The following XRCC4 variants were observed in gnomAD, a reference collection of about 807,000 sequenced individuals.
The protein encoded by XRCC4 is X-ray repair cross complementing 4.
Under a neutral mutation model 39.1 loss-of-function variants are expected in XRCC4, and 28 were observed. The observed-to-expected ratio is 0.72, with a 90% CI of 0.53 to 0.98. XRCC4 has a LOEUF of 0.98. Ranked by LOEUF, XRCC4 falls within the 50% of genes least tolerant of loss-of-function variation. The pLI is 0.00. For missense variants in XRCC4, 350 were observed against 376.4 expected, an observed-to-expected ratio of 0.93 and a Z score of 0.58; for synonymous variants, 123 against 126.4, an observed-to-expected ratio of 0.97 and a Z score of 0.18.
intron 1 of XRCC4, among the ~76,000 whole-genome samples, chr5:83,087,274 G>A (rs1335555418): frequency 4.6e-5 from 7 of 151,898 alleles, no homozygotes; most frequent in African/African-American, 1.2e-4. Context: ...CTGAGATTGC[G>A]CCACTGCACT....
At chr5:83,138,466 A>C (rs1471729099) in intron 3 of XRCC4, among the ~76,000 whole-genome samples, 1 of 152,108 alleles carries the variant, frequency 6.6e-6, no homozygotes, top group Non-Finnish European at 1.5e-5. Context: ...TAGACCCAGA[A>C]CTTTCAATTT....
At chr5:83,162,944 CTTTCTTTCTT>C (rs1182137485) in intron 3 of XRCC4, among the ~76,000 whole-genome samples, 1 of 118,100 alleles carries the variant, frequency 8.5e-6, no homozygotes, top group Non-Finnish European at 1.9e-5. Context: ...CTTTTTCTTT[CTTTCTTTCTT>C]TTTTTTTTTT....
At chr5:83,331,403 T>G (rs879533159) in intron 7 of XRCC4, among the ~76,000 whole-genome samples, 1 of 152,076 alleles carries the variant, frequency 6.6e-6, no homozygotes, top group African/African-American at 2.4e-5. Context: ...TATATGGTAT[T>G]GGAGAGGAAT....
At chr5:83,245,337 A>G (rs1445064586) in intron 6 of XRCC4, among the ~76,000 whole-genome samples, 4 of 152,096 alleles carry the variant, frequency 2.6e-5, no homozygotes, top group African/African-American at 9.7e-5. Flanking sequence ...TGCTGTGTAG[A>G]CTTGGAGAAA....
intron 3 of XRCC4, among the ~76,000 whole-genome samples, chr5:83,156,354 A>C (rs1236156958): frequency 2.0e-5 from 3 of 149,980 alleles, no homozygotes; most frequent in African/African-American, 4.9e-5. Context: ...TTATTTAGAG[A>C]GAGAGCTGTA....
At chr5:83,172,430 T>G (rs1438654825) in intron 3 of XRCC4, among the ~76,000 whole-genome samples, 1 of 152,158 alleles carries the variant, frequency 6.6e-6, no homozygotes, top group Non-Finnish European at 1.5e-5. Flanking sequence ...TGCAGATGAT[T>G]AATAGAATTT....
chr5:83,328,453 C>G (rs1561477791), intron 7 of XRCC4, among the ~76,000 whole-genome samples: 1 of 152,010 alleles, frequency 6.6e-6, no homozygotes, highest in Non-Finnish European at 1.5e-5. Flanking sequence ...GCAAAAATTA[C>G]TGCATTTCTA....
intron 6 of XRCC4, among the ~76,000 whole-genome samples, chr5:83,229,039 G>C (rs551889145): frequency 2.0e-5 from 3 of 151,848 alleles, no homozygotes; most frequent in Admixed American, 2.0e-4. Flanking sequence ...TTGGAGACTT[G>C]TTGAATGCGG....
downstream of XRCC4, among the ~76,000 whole-genome samples, chr5:83,357,275 GA>G (rs1280536446): frequency 1.3e-5 from 2 of 152,136 alleles, no homozygotes. Context: ...TTATATTCTA[GA>G]AATGAAAAGA....
chr5:83,179,616 C>T (rs1189563239), intron 3 of XRCC4, among the ~76,000 whole-genome samples: 1 of 152,108 alleles, frequency 6.6e-6, no homozygotes, highest in Non-Finnish European at 1.5e-5. Flanking sequence ...CTTCTATGCC[C>T]CAGCTCTGTG....
chr5:83,109,857 T>C (rs1746363756), intron 2 of XRCC4, among the ~76,000 whole-genome samples: 1 of 151,832 alleles, frequency 6.6e-6, no homozygotes, highest in Non-Finnish European at 1.5e-5. Flanking sequence ...ACCTGGAAAA[T>C]ATATGCTGTT....
At chr5:83,135,737 A>G (rs1317482755) in intron 3 of XRCC4, among the ~76,000 whole-genome samples, 1 of 151,934 alleles carries the variant, frequency 6.6e-6, no homozygotes, top group African/African-American at 2.4e-5. Context: ...CATCTCAGGC[A>G]TGGTGATTTT....
chr5:83,210,600 A>T (rs188633056), intron 6 of XRCC4, among the ~76,000 whole-genome samples: 183 of 152,258 alleles, frequency 1.2e-3, no homozygotes, highest in African/African-American at 4.1e-3. Context: ...ATATTATAAA[A>T]ACCCTTGCAA....
chr5:83,258,637 A>G lies in XRCC4; in HGVS notation c.853A>G (p.Lys285Glu). Residue 285 changes from lysine (K) to glutamate (E), a missense_variant, in exon 7 of 8, where the codon AAA becomes GAA. By Grantham distance (56) the Lys-to-Glu change is moderately conservative. Transcript: ENST00000396027. ...GCAAAGAAATCTTGGGACAGAACCT[A>G]AAATGGCTCCTCAGGAGAATCAGCT... ...RMQRNLGTEP[K>E]MAPQENQLQE... 1.2e-6 allele frequency: 2 copies of G among 1,612,212 alleles called. No homozygotes were observed. The highest frequency in any genetic ancestry group is 1.7e-6 in the Non-Finnish European group (2 of 1,179,230).
chr5:83,218,319 TTA>T (rs1261101875), intron 6 of XRCC4, among the ~76,000 whole-genome samples: 1 of 149,048 alleles, frequency 6.7e-6, no homozygotes, highest in Non-Finnish European at 1.5e-5. Flanking sequence ...TCATAAAACT[TTA>T]TGAACTTTTT....
chr5:83,321,673 G>T (rs1037042943), intron 7 of XRCC4, among the ~76,000 whole-genome samples: 3 of 152,024 alleles, frequency 2.0e-5, no homozygotes, highest in Non-Finnish European at 4.4e-5. Flanking sequence ...AGACACATGT[G>T]CATTAGATCC....
intron 3 of XRCC4, among the ~76,000 whole-genome samples, chr5:83,180,561 G>A (rs541514151): frequency 3.3e-5 from 5 of 152,110 alleles, no homozygotes; most frequent in African/African-American, 1.2e-4. Context: ...AATTTCAGAT[G>A]TGACTTTGAC....
At chr5:83,124,994 C>G (rs28383160) in intron 3 of XRCC4, among the ~76,000 whole-genome samples, 3,831 of 152,226 alleles carry the variant, frequency 0.025, 66 homozygotes, top group East Asian at 0.071. Context: ...CTTATCAGCA[C>G]TTGGTTTTGT....
At chr5:83,235,526 A>G (rs1281604836) in intron 6 of XRCC4, among the ~76,000 whole-genome samples, 1 of 152,172 alleles carries the variant, frequency 6.6e-6, no homozygotes, top group South Asian at 2.1e-4. Context: ...TTCATAATAA[A>G]AAATATCTCA....
Sources: gnomAD v4.1 joint callset for allele counts (sites outside exome capture counted in the v4.1 genomes callset) on GRCh38, gnomAD v4.1.1 for gene constraint, MANE v1.5 for transcripts, NCBI Gene and HGNC (gene_info 2026-07-23, HGNC 2026-07-21) for gene names.